The following SUGCT variants were observed in gnomAD, a reference collection of about 807,000 sequenced individuals.
The protein encoded by SUGCT is succinyl-CoA:glutarate CoA-transferase.
A neutral mutation model predicts 55.0 loss-of-function variants in SUGCT; 41 were observed. That is an observed-to-expected ratio of 0.74 (90% CI 0.58 to 0.97). The LOEUF is 0.97. Among genes scored for constraint, SUGCT ranks in the 50% least tolerant of loss-of-function variants. The pLI is 0.00. For synonymous variants in SUGCT, 187 were observed against 200.4 expected, an observed-to-expected ratio of 0.93 and a Z score of 0.56; for missense variants, 568 against 547.8, an observed-to-expected ratio of 1.04 and a Z score of -0.37.
chr7:40,880,875 A>G, the SUGCT span, among the ~76,000 whole-genome samples: 21 of 152,256 alleles, frequency 1.4e-4, no homozygotes, highest in South Asian at 4.1e-3. Context: ...TTGGATATTG[A>G]TGGAACCAGG....
intron 9 of SUGCT, among the ~76,000 whole-genome samples, chr7:40,342,697 C>G (rs1430551209): frequency 6.6e-6 from 1 of 151,516 alleles, no homozygotes; most frequent in Non-Finnish European, 1.5e-5. Context: ...GGCTGGAGTG[C>G]AGTGGCGTGA....
At chr7:40,365,841 A>G (rs1407116207) in intron 9 of SUGCT, among the ~76,000 whole-genome samples, 3 of 152,212 alleles carry the variant, frequency 2.0e-5, no homozygotes, top group African/African-American at 4.8e-5. Flanking sequence ...ATACTGCCCA[A>G]TGTAATTTAT....
chr7:40,916,322 C>A, the SUGCT span, among the ~76,000 whole-genome samples: 3 of 152,136 alleles, frequency 2.0e-5, no homozygotes, highest in African/African-American at 7.2e-5. Context: ...AGTCCTAAGT[C>A]ATTCTGATTG....
chr7:40,255,205 C>CGGCTGAGTGAGACTCTGT, intron 7 of SUGCT, among the ~76,000 whole-genome samples: 1 of 123,754 alleles, frequency 8.1e-6, no homozygotes, highest in South Asian at 2.6e-4. Context: ...CCAGCCTGGG[C>CGGCTGAGTGAGACTCTGT]AACAAGAGTG....
At chr7:40,795,762 A>G (rs1266002668) in intron 13 of SUGCT, among the ~76,000 whole-genome samples, 1 of 152,190 alleles carries the variant, frequency 6.6e-6, no homozygotes, top group Non-Finnish European at 1.5e-5. Context: ...CAGAATGTGC[A>G]TAGTTTCTGA....
chr7:40,574,778 C>T (rs879553875), intron 12 of SUGCT, among the ~76,000 whole-genome samples: 2 of 152,204 alleles, frequency 1.3e-5, no homozygotes, highest in Non-Finnish European at 2.9e-5. Context: ...CAGCTTCCTA[C>T]TTTTTAACCG....
chr7:40,813,034 G>A (rs34689844), intron 13 of SUGCT, among the ~76,000 whole-genome samples: 49,977 of 151,866 alleles, frequency 0.33, 8,799 homozygotes, highest in East Asian at 0.53. Context: ...GGTCTTCTTC[G>A]TACTGATTTC....
chr7:40,701,356 G>T (rs559784501), intron 12 of SUGCT, among the ~76,000 whole-genome samples: 1 of 152,178 alleles, frequency 6.6e-6, no homozygotes, highest in Non-Finnish European at 1.5e-5. Context: ...GAGCTCATCC[G>T]CCATTCCAGT....
At chr7:40,551,847 C>G (rs1253731711) in intron 12 of SUGCT, among the ~76,000 whole-genome samples, 1 of 152,176 alleles carries the variant, frequency 6.6e-6, no homozygotes, top group East Asian at 1.9e-4. Flanking sequence ...AGTCAGCCAG[C>G]CTGAGGAAGA....
At chr7:40,158,760 A>G (rs1784016094) in intron 1 of SUGCT, among the ~76,000 whole-genome samples, 1 of 152,234 alleles carries the variant, frequency 6.6e-6, no homozygotes, top group Non-Finnish European at 1.5e-5. Context: ...AAATAAATAA[A>G]TAAGTAAAAT....
chr7:40,669,065 G>T (rs562500592), intron 12 of SUGCT, among the ~76,000 whole-genome samples: 1 of 152,264 alleles, frequency 6.6e-6, no homozygotes, highest in South Asian at 2.1e-4. Flanking sequence ...TGATGTCGGT[G>T]CCACATGAGG....
intron 9 of SUGCT, among the ~76,000 whole-genome samples, chr7:40,417,810 A>G (rs1787090610): frequency 6.6e-6 from 1 of 152,018 alleles, no homozygotes; most frequent in African/African-American, 2.4e-5. Context: ...AAACATGGGT[A>G]TGAATCTCTT....
At chr7:40,543,799 AG>A (rs1483951046) in intron 12 of SUGCT, among the ~76,000 whole-genome samples, 1 of 152,232 alleles carries the variant, frequency 6.6e-6, no homozygotes, top group Non-Finnish European at 1.5e-5. Context: ...TTCCCCCAGT[AG>A]GGAGTTTGTA....
At chr7:40,265,680 T>A (rs977143669) in intron 7 of SUGCT, among the ~76,000 whole-genome samples, 2 of 152,094 alleles carry the variant, frequency 1.3e-5, no homozygotes, top group African/African-American at 4.8e-5. Context: ...TTTGGCTGGT[T>A]GCAGTGACTC....
chr7:40,138,621 T>G (rs1264496628), intron 1 of SUGCT, among the ~76,000 whole-genome samples: 1 of 151,312 alleles, frequency 6.6e-6, no homozygotes, highest in Non-Finnish European at 1.5e-5. Context: ...CAACAGTGTA[T>G]AAGAAGAGTT....
the SUGCT span, among the ~76,000 whole-genome samples, chr7:41,028,257 A>G: frequency 3.2e-4 from 49 of 152,352 alleles, no homozygotes; most frequent in Middle Eastern, 6.8e-3. Context: ...GAGACCCTGG[A>G]TATGTTGAGA....
At chr7:40,735,352 A>G (rs1440863163) in intron 12 of SUGCT, among the ~76,000 whole-genome samples, 1 of 152,160 alleles carries the variant, frequency 6.6e-6, no homozygotes, top group African/African-American at 2.4e-5. Flanking sequence ...TTTCTGGACT[A>G]CTTAGTCTTG....
At chr7:40,437,436 A>G (rs1464390244) in intron 9 of SUGCT, among the ~76,000 whole-genome samples, 4 of 152,138 alleles carry the variant, frequency 2.6e-5, no homozygotes, top group African/African-American at 9.7e-5. Context: ...ATTCAAAGCA[A>G]GGGCTTATAT....
intron 6 of SUGCT, chr7:40,217,429 C>T: frequency 2.2e-6 from 1 of 447,786 alleles, no homozygotes; most frequent in South Asian, 1.6e-5. Flanking sequence ...CCAGGATGGT[C>T]TTGATCTCCA....
Sources: allele counts gnomAD v4.1 joint callset (sites outside exome capture counted in the v4.1 genomes callset), GRCh38; gene constraint gnomAD v4.1.1; transcripts MANE v1.5; gene names NCBI Gene and HGNC (gene_info 2026-07-23, HGNC 2026-07-21).